RNF150: variants seen among roughly 807,000 people sequenced by gnomAD.
The protein encoded by RNF150 is ring finger protein 150.
Under a neutral mutation model 39.3 loss-of-function variants are expected in RNF150, and 24 were observed. That is an observed-to-expected ratio of 0.61 (90% CI 0.44 to 0.86). The LOEUF (loss-of-function observed/expected upper bound fraction) is 0.86, where lower values mean the gene tolerates loss of function less well. Ranked by LOEUF, RNF150 falls within the 40% of genes least tolerant of loss-of-function variation. The probability of loss-of-function intolerance (pLI) is 0.00; values close to 1 mark genes in which losing one functional copy is unlikely to be tolerated. For synonymous variants in RNF150, 255 were observed against 227.3 expected, an observed-to-expected ratio of 1.12 and a Z score of -1.10; for missense variants, 502 against 587.8, an observed-to-expected ratio of 0.85 and a Z score of 1.51.
At chr4:141,016,203 C>T (rs75504636) in intron 1 of RNF150, among the ~76,000 whole-genome samples, 1,685 of 152,234 alleles carry the variant, frequency 0.011, 39 homozygotes, top group African/African-American at 0.038. Context: ...CCTGCTCTCA[C>T]CATTGAAAAC....
intron 1 of RNF150, among the ~76,000 whole-genome samples, chr4:140,970,465 TC>T (rs386680183): frequency 1.3e-4 from 14 of 106,360 alleles, no homozygotes; most frequent in Non-Finnish European, 1.8e-4. Context: ...TCCTTCACTA[TC>T]CCCCTCCCCA....
At chr4:141,014,808 G>C (rs1478837745) in intron 1 of RNF150, among the ~76,000 whole-genome samples, 4 of 152,038 alleles carry the variant, frequency 2.6e-5, no homozygotes, top group African/African-American at 9.7e-5. Flanking sequence ...TTCCTGTCCA[G>C]AAGCTTTCCA....
At chr4:141,154,764 G>A (rs1024811623) in intron 1 of RNF150, among the ~76,000 whole-genome samples, 1 of 152,148 alleles carries the variant, frequency 6.6e-6, no homozygotes, top group East Asian at 1.9e-4. Context: ...AGGTTTGAAG[G>A]ATGAAAGAAC....
At chr4:140,954,727 C>T (rs562654200) in intron 2 of RNF150, among the ~76,000 whole-genome samples, 58 of 152,126 alleles carry the variant, frequency 3.8e-4, no homozygotes, top group Middle Eastern at 3.4e-3. Context: ...CAACAGACTC[C>T]AGTTCAACCC....
chr4:141,199,455 C>T (rs1728254626), intron 1 of RNF150, among the ~76,000 whole-genome samples: 2 of 152,146 alleles, frequency 1.3e-5, no homozygotes, highest in African/African-American at 4.8e-5. Context: ...ATCCAAATGT[C>T]CTTCAACTGA....
At chr4:141,199,704 T>C (rs187234586) in intron 1 of RNF150, among the ~76,000 whole-genome samples, 86 of 152,292 alleles carry the variant, frequency 5.6e-4, no homozygotes, top group Admixed American at 1.0e-3. Flanking sequence ...TACAGCACAA[T>C]GGGGATTTTC....
At chr4:141,201,906 C>G (rs534314609) in intron 1 of RNF150, among the ~76,000 whole-genome samples, 2 of 152,058 alleles carry the variant, frequency 1.3e-5, no homozygotes, top group African/African-American at 2.4e-5. Flanking sequence ...GCAGGACTTT[C>G]AGGTGATAAT....
chr4:141,109,426 A>G (rs1739315704), intron 1 of RNF150, among the ~76,000 whole-genome samples: 1 of 151,988 alleles, frequency 6.6e-6, no homozygotes, highest in Non-Finnish European at 1.5e-5. Context: ...CATTTTAAGT[A>G]TAATGGGCAA....
At chr4:140,896,782 G>C (rs1007666162) in intron 6 of RNF150, among the ~76,000 whole-genome samples, 3 of 150,562 alleles carry the variant, frequency 2.0e-5, no homozygotes, top group Non-Finnish European at 3.0e-5. Flanking sequence ...TCTAGTAGAT[G>C]ATTCTAGAAT....
chr4:141,003,301 C>G (rs1485514855), intron 1 of RNF150, among the ~76,000 whole-genome samples: 1 of 152,074 alleles, frequency 6.6e-6, no homozygotes, highest in Non-Finnish European at 1.5e-5. Context: ...TACATGTACT[C>G]GTAGGATACA....
At chr4:140,980,095 T>G (rs1032969036) in intron 1 of RNF150, among the ~76,000 whole-genome samples, 3 of 152,126 alleles carry the variant, frequency 2.0e-5, no homozygotes, top group Non-Finnish European at 4.4e-5. Flanking sequence ...CAGGCTGAAG[T>G]GCAGTGGCAT....
intron 1 of RNF150, among the ~76,000 whole-genome samples, chr4:141,038,514 G>A (rs1187481995): frequency 3.3e-5 from 5 of 151,990 alleles, no homozygotes; most frequent in Non-Finnish European, 7.4e-5. Context: ...AACATAGTGA[G>A]ACTCCATCTC....
chr4:141,210,070 G>C (rs764282516), intron 1 of RNF150, among the ~76,000 whole-genome samples: 1 of 152,048 alleles, frequency 6.6e-6, no homozygotes, highest in Non-Finnish European at 1.5e-5. Flanking sequence ...AATTATAAAA[G>C]CCAAAATTAT....
At chr4:141,103,718 A>AT (rs141284062) in intron 1 of RNF150, among the ~76,000 whole-genome samples, 2 of 152,070 alleles carry the variant, frequency 1.3e-5, no homozygotes, top group South Asian at 2.1e-4. Context: ...AACCCTCTGA[A>AT]TTTTTTTTGA....
At chr4:140,890,108 T>C (rs950770142) in intron 6 of RNF150, among the ~76,000 whole-genome samples, 2 of 152,166 alleles carry the variant, frequency 1.3e-5, no homozygotes, top group African/African-American at 4.8e-5. Context: ...TCTTCCAGTA[T>C]CTTTCATGCA....
At chr4:140,873,962 G>A (rs535466677) in intron 6 of RNF150, among the ~76,000 whole-genome samples, 10 of 152,078 alleles carry the variant, frequency 6.6e-5, no homozygotes, top group African/African-American at 1.7e-4. Context: ...CACCATGCCC[G>A]GCCTATTCTA....
At chr4:140,996,286 T>C (rs1283615282) in intron 1 of RNF150, among the ~76,000 whole-genome samples, 1 of 152,226 alleles carries the variant, frequency 6.6e-6, no homozygotes, top group Non-Finnish European at 1.5e-5. Flanking sequence ...TTTTAAGAAA[T>C]GTCTACTCAG....
At chr4:140,993,319 C>CT (rs1239546043) in intron 1 of RNF150, among the ~76,000 whole-genome samples, 4 of 152,154 alleles carry the variant, frequency 2.6e-5, no homozygotes, top group African/African-American at 9.6e-5. Flanking sequence ...TTCATCATCT[C>CT]TTTTTCTCTC....
intron 6 of RNF150, among the ~76,000 whole-genome samples, chr4:140,875,194 G>T (rs897841752): frequency 2.7e-5 from 4 of 147,136 alleles, no homozygotes; most frequent in Non-Finnish European, 4.5e-5. Flanking sequence ...TGAGTGACAG[G>T]GTCTTGCTCT....
Sources: gnomAD v4.1 joint callset for allele counts (sites outside exome capture counted in the v4.1 genomes callset) on GRCh38, gnomAD v4.1.1 for gene constraint, MANE v1.5 for transcripts, NCBI Gene and HGNC (gene_info 2026-07-23, HGNC 2026-07-21) for gene names.